Variants in PCDHA3 observed in about 807,000 individuals in gnomAD.
PCDHA3 encodes protocadherin alpha 3.
PCDHA3 carries 41 observed loss-of-function variants against 62.2 expected under a neutral mutation model. The ratio of observed to expected loss-of-function variants is 0.66; its 90% CI spans 0.51 to 0.86. PCDHA3 has a LOEUF of 0.86. Ranked by LOEUF, PCDHA3 falls within the 40% of genes least tolerant of loss-of-function variation. The pLI is 0.00. For synonymous variants in PCDHA3, 640 were observed against 555.4 expected, an observed-to-expected ratio of 1.15 and a Z score of -2.14; for missense variants, 1,304 against 1,241.2, an observed-to-expected ratio of 1.05 and a Z score of -0.76.
In PCDHA3 at chr5:140,834,765, G is replaced by C. The variant is rs2150225893; in HGVS notation, c.2394+31174G>C. 7 of 1,614,098 alleles carry C rather than the reference G, an allele frequency of 4.3e-6. No homozygotes were observed. The highest frequency in any genetic ancestry group is 5.9e-6 in the Non-Finnish European group (7 of 1,180,028). On this transcript the variant is annotated intron_variant, in intron 1 of 3. Transcript: ENST00000522353. The stretch of plus-strand genomic sequence containing the variant: ...GGACGTGGAGGTGAAGGACATTAAC[G>C]ACAACCCTCCGGTGTTCCCAGCGAC...
chr5:140,801,693 T>A lies in PCDHA3; in HGVS notation c.496T>A (p.Ser166Thr). Residue 166 changes from serine to threonine, a missense_variant, in exon 1 of 4, where the codon TCG (serine) becomes ACG (threonine). By Grantham distance (58) the Ser-to-Thr change is moderately conservative. Coordinates refer to ENST00000522353, the MANE Select transcript of PCDHA3 (RefSeq NM_018906.3). The stretch of plus-strand genomic sequence containing the variant: ...ATCAGATGCAGATATCGGAACAAAT[T>A]CGTTGTTGACTTACAGTCTTGATTC... ...GASDADIGTN[S>T]LLTYSLDSTE... 6.2e-7 allele frequency: 1 copy of A among 1,614,212 alleles called. No individual in the cohort carries two copies. The highest frequency in any genetic ancestry group is 8.5e-7 in the Non-Finnish European group (1 of 1,180,032).
chr5:140,886,463 GT>G (rs1387154249), intron 1 of PCDHA3, among the ~76,000 whole-genome samples: 5 of 152,042 alleles, frequency 3.3e-5, no homozygotes, highest in East Asian at 1.9e-4. Flanking sequence ...ATATATAAAT[GT>G]TTTTAAAATG....
rs373945193 is a variant in PCDHA3 at position 140,807,955 on chromosome 5, T to C, written c.2394+4364T>C. On this transcript the variant is annotated intron_variant, in intron 1 of 3. Transcript: ENST00000522353. ...AGGTGAGATTACTAGAAAATGTTCCTAATGGAACATTGGTAATTAAACTTA... is the reference window on the plus strand; with the variant it reads ...AGGTGAGATTACTAGAAAATGTTCCCAATGGAACATTGGTAATTAAACTTA... 8.1e-6 allele frequency: 13 copies of C among 1,612,616 alleles called. No homozygotes were observed. The African/African-American group carries it at 1.5e-4, about 18-fold the overall frequency.
chr5:140,870,657 G>A (rs782619046), intron 1 of PCDHA3: 1 of 1,612,514 alleles, frequency 6.2e-7, no homozygotes, highest in East Asian at 2.2e-5. Context: ...AGGTGTACGC[G>A]CTGCAGCCGT....
chr5:140,929,381 G>GT (rs1554207059), intron 1 of PCDHA3: 2 of 1,510,858 alleles, frequency 1.3e-6, no homozygotes, highest in African/African-American at 1.4e-5. Flanking sequence ...TGCTAGCTGT[G>GT]TTTTGAAATA....
At chr5:140,870,893 A>G in intron 1 of PCDHA3, 1 of 1,613,930 alleles carries the variant, frequency 6.2e-7, no homozygotes, top group Non-Finnish European at 8.5e-7. Flanking sequence ...CGCGCAGTGG[A>G]TGCGGACTCA....
At chr5:140,843,512 G>C (rs2150361484) in intron 1 of PCDHA3, 9 of 1,595,848 alleles carry the variant, frequency 5.6e-6, no homozygotes, top group Non-Finnish European at 7.7e-6. Flanking sequence ...CACTGAGGGC[G>C]GGTGCCGGGC....
At chr5:140,881,988 C>A in intron 1 of PCDHA3, 1 of 434,968 alleles carries the variant, frequency 2.3e-6, no homozygotes, top group Non-Finnish European at 4.0e-6. Flanking sequence ...GTGAAAATGT[C>A]AGGAAATGCA....
chr5:140,820,654 T>C (rs2150107515), intron 1 of PCDHA3, among the ~76,000 whole-genome samples: 7 of 152,038 alleles, frequency 4.6e-5, no homozygotes, highest in African/African-American at 1.7e-4. Flanking sequence ...TAAAAAGTAA[T>C]TAAACTAATA....
chr5:140,954,225 A>C (rs1554221300), intron 1 of PCDHA3, among the ~76,000 whole-genome samples: 2 of 152,242 alleles, frequency 1.3e-5, no homozygotes, highest in African/African-American at 4.8e-5. Context: ...TGCTATTGTG[A>C]ATAGTGCTGC....
Position 140,852,497 on chromosome 5 carries a change from C to T in PCDHA3, c.2394+48906C>T, listed in dbSNP as rs1462166963. The T allele has an allele frequency of 3.2e-5, 8 of 251,770 alleles. 1 individual carries two copies. The South Asian group carries it at 6.1e-4, about 19-fold the overall frequency. 15.6% of individuals were successfully genotyped at this position (251,770 alleles called of 1,614,324 possible). ...TTCATCATGTTGGCCAGGTTGGTCT[C>T]GAACTCCTGACCTTGTGATGCTCCC... is the stretch of plus-strand genomic sequence containing the variant. On this transcript the variant is annotated intron_variant, in intron 1 of 3. Coordinates refer to ENST00000522353, the MANE Select transcript of PCDHA3 (RefSeq NM_018906.3).
At chr5:140,919,593 T>C (rs541275874) in intron 1 of PCDHA3, among the ~76,000 whole-genome samples, 1 of 152,214 alleles carries the variant, frequency 6.6e-6, no homozygotes, top group Non-Finnish European at 1.5e-5. Context: ...TGGTAATTTT[T>C]AAAATAAATT....
intron 1 of PCDHA3, chr5:140,883,758 G>A (rs781858673): frequency 3.1e-6 from 5 of 1,612,920 alleles, no homozygotes; most frequent in South Asian, 1.1e-5. Context: ...CTGGTGGAGC[G>A]GCGGGTGGGC....
intron 3 of PCDHA3, among the ~76,000 whole-genome samples, chr5:140,986,213 C>G (rs1554247816): frequency 6.6e-6 from 1 of 152,208 alleles, no homozygotes. Context: ...TTACTGGCCC[C>G]TTTCTCTAGC....
At chr5:140,957,734 T>C (rs559180968) in intron 1 of PCDHA3, among the ~76,000 whole-genome samples, 2 of 152,240 alleles carry the variant, frequency 1.3e-5, no homozygotes, top group Admixed American at 6.5e-5. Flanking sequence ...GAATTATATA[T>C]ACTGACATGA....
At chr5:140,922,839 C>T (rs2081023123) in intron 1 of PCDHA3, among the ~76,000 whole-genome samples, 1 of 152,140 alleles carries the variant, frequency 6.6e-6, no homozygotes, top group South Asian at 2.1e-4. Context: ...TAGATGTCCT[C>T]AAAGAGACCA....
intron 1 of PCDHA3, chr5:140,805,509 T>C: frequency 8.1e-6 from 8 of 988,466 alleles, no homozygotes; most frequent in Non-Finnish European, 8.4e-6. Context: ...ACTAGATTGA[T>C]TTTTTGTTTA....
At chr5:140,991,808 G>A (rs367660702) in intron 3 of PCDHA3, among the ~76,000 whole-genome samples, 4 of 152,074 alleles carry the variant, frequency 2.6e-5, no homozygotes, top group East Asian at 1.9e-4. Flanking sequence ...GGCCACTTCC[G>A]CATTTTTAGG....
intron 1 of PCDHA3, chr5:140,881,225 T>C (rs1026658425): frequency 9.3e-5 from 25 of 267,532 alleles, no homozygotes; most frequent in Non-Finnish European, 1.4e-4. Context: ...TCTTGGAAAA[T>C]TAAAGTCAAT....
Sources: gnomAD v4.1 joint callset for allele counts (sites outside exome capture counted in the v4.1 genomes callset) on GRCh38, gnomAD v4.1.1 for gene constraint, MANE v1.5 for transcripts, NCBI Gene and HGNC (gene_info 2026-07-23, HGNC 2026-07-21) for gene names.